The following NAALADL2 variants were observed in gnomAD, a reference collection of about 807,000 sequenced individuals.
The protein encoded by NAALADL2 is inactive N-acetylated-alpha-linked acidic dipeptidase-like protein 2.
In NAALADL2, 76 loss-of-function variants were observed where a neutral mutation model predicts 87.2. That is an observed-to-expected ratio of 0.87 (90% confidence interval 0.72 to 1.05). The LOEUF is 1.05. Ranked by LOEUF, NAALADL2 falls within the 50% of genes least tolerant of loss-of-function variation. The pLI is 0.00. For missense variants in NAALADL2, 1,089 were observed against 945.8 expected (o/e 1.15, Z -1.99); for synonymous variants, 354 against 331.0 (o/e 1.07, Z -0.75).
chr3:174,610,469 GA>G (rs1228124567), intron 2 of NAALADL2, among the ~76,000 whole-genome samples: 2 of 151,588 alleles, frequency 1.3e-5, no homozygotes, highest in East Asian at 1.9e-4. Context: ...AAATTTACAA[GA>G]AAAAAACAAA....
intron 13 of NAALADL2, among the ~76,000 whole-genome samples, chr3:175,762,200 T>TTTTTTTC (rs1341093100): frequency 6.7e-6 from 1 of 149,374 alleles, no homozygotes; most frequent in African/African-American, 2.5e-5. Context: ...CGATTTTTTT[T>TTTTTTTC]TTTTTTTGCA....
chr3:175,229,613 G>A (rs1744652926), intron 2 of NAALADL2, among the ~76,000 whole-genome samples: 2 of 151,934 alleles, frequency 1.3e-5, no homozygotes, highest in Admixed American at 6.6e-5. Flanking sequence ...CTTTTTAGCT[G>A]TGTCTTCACA....
intron 3 of NAALADL2, among the ~76,000 whole-genome samples, chr3:174,853,958 G>C (rs76797627): frequency 0.098 from 14,890 of 152,118 alleles, 812 homozygotes; most frequent in Middle Eastern, 0.13. Flanking sequence ...AGTCAGTATG[G>C]AAAACAGTAT....
intron 2 of NAALADL2, among the ~76,000 whole-genome samples, chr3:174,718,084 C>G (rs566582180): frequency 1.3e-5 from 2 of 152,028 alleles, no homozygotes; most frequent in South Asian, 4.2e-4. Flanking sequence ...AGCGCTCCAG[C>G]CTGGGTGATA....
intron 1 of NAALADL2, among the ~76,000 whole-genome samples, chr3:174,984,718 GA>G (rs1233114872): frequency 6.6e-6 from 1 of 152,084 alleles, no homozygotes; most frequent in Non-Finnish European, 1.5e-5. Flanking sequence ...AGGTATTTGA[GA>G]AATTTGAAGT....
intron 1 of NAALADL2, among the ~76,000 whole-genome samples, chr3:174,908,397 G>C (rs1220423905): frequency 6.6e-6 from 1 of 152,036 alleles, no homozygotes; most frequent in Non-Finnish European, 1.5e-5. Flanking sequence ...AGACTGGCCA[G>C]TATCTTTAAA....
At chr3:175,125,629 A>G (rs1000846824) in intron 2 of NAALADL2, among the ~76,000 whole-genome samples, 13 of 152,060 alleles carry the variant, frequency 8.5e-5, no homozygotes, top group Non-Finnish European at 1.5e-4. Context: ...GGCTAAAAGA[A>G]CATACAGTTT....
chr3:175,562,525 T>C (rs62288387), intron 9 of NAALADL2, among the ~76,000 whole-genome samples: 17,277 of 151,898 alleles, frequency 0.11, 1,168 homozygotes, highest in Middle Eastern at 0.17. Context: ...TGTTTTCCAA[T>C]CACAGATTTA....
rs901388913 is a variant in NAALADL2, at chr3:174,698,850, C to T, written c.-114-38791C>T. Among the ~76,000 whole-genome samples the T allele has an allele frequency of 3.2e-5, 3 of 92,976 alleles. 1 individual carries two copies. The highest frequency in any genetic ancestry group is 1.5e-3 in the East Asian group (2 of 1,378). The allele number at this position is 92,976 out of a possible 152,430, so 61.0% of individuals were successfully genotyped here. A position where few individuals can be genotyped will look rare whatever the true frequency, so the allele number is the denominator to read the frequency against. On this transcript the variant is annotated intron_variant, in intron 2 of 3. Coordinates refer to the NAALADL2 transcript ENST00000434257. The stretch of plus-strand genomic sequence containing the variant: ...CTGCACTCCAGCCTGGGTGACAGAG[C>T]GAGACTCCGTCTCAAAGAAGAAAAA...
At chr3:174,462,679 T>G (rs187695098) in intron 1 of NAALADL2, among the ~76,000 whole-genome samples, 1 of 152,192 alleles carries the variant, frequency 6.6e-6, no homozygotes, top group Admixed American at 6.5e-5. Flanking sequence ...AGATAATAGC[T>G]CTCATGGCAC....
rs148587574 is a variant in NAALADL2, at chr3:175,146,645, TAAG to T, written c.545+49360_545+49362del. On this transcript the variant is annotated intron_variant, in intron 2 of 13. Coordinates refer to ENST00000454872, the MANE Select transcript of NAALADL2 (RefSeq NM_207015.3). ...AATGAATGGCTTCAATCACATGAACTAAGAAGAAAAATAATGAAAGAGGCTGAA... is the reference window on the plus strand; with the variant it reads ...AATGAATGGCTTCAATCACATGAACTAAGAAAAATAATGAAAGAGGCTGAA... Among the ~76,000 whole-genome samples the T allele has an allele frequency of 7.0e-3, 1,065 of 152,242 alleles. 17 individuals carry two copies. The highest frequency in any genetic ancestry group is 0.024 in the African/African-American group (999 of 41,548).
intron 2 of NAALADL2, among the ~76,000 whole-genome samples, chr3:175,188,050 A>G (rs531932811): frequency 4.7e-4 from 71 of 152,286 alleles, no homozygotes; most frequent in African/African-American, 1.6e-3. Context: ...AACTGATTCT[A>G]GGTGAGAAAG....
rs1216639311 is a variant in NAALADL2, at chr3:174,690,835, G to T, written c.-114-46806G>T. Among the ~76,000 whole-genome samples, 8 of 152,070 alleles carry T rather than the reference G, an allele frequency of 5.3e-5. No individual in the cohort carries two copies. In the South Asian group the frequency reaches 1.2e-3, roughly 24 times the overall value. The stretch of plus-strand genomic sequence containing the variant: ...TAATTTTTTAAAAGTACAAACCTAT[G>T]CCATAATTGATGCTCTAAATGGGTA... On this transcript the variant is annotated intron_variant, in intron 2 of 3. Coordinates refer to the NAALADL2 transcript ENST00000434257.
At chr3:175,746,165 C>CT (rs150272211) in intron 12 of NAALADL2, among the ~76,000 whole-genome samples, 4,651 of 147,746 alleles carry the variant, frequency 0.031, 173 homozygotes, top group African/African-American at 0.096. Flanking sequence ...TGACTTTTTT[C>CT]TTTTTTTTTT....
At chr3:175,390,177 A>C (rs941858143) in intron 5 of NAALADL2, among the ~76,000 whole-genome samples, 11 of 152,162 alleles carry the variant, frequency 7.2e-5, no homozygotes, top group Non-Finnish European at 1.3e-4. Context: ...GTAATGCTGA[A>C]AAAAATTATA....
chr3:175,094,016 T>C (rs114072894), intron 1 of NAALADL2, among the ~76,000 whole-genome samples: 1,979 of 151,984 alleles, frequency 0.013, 36 homozygotes, highest in African/African-American at 0.043. Flanking sequence ...AGAGGTGACT[T>C]TGAATGTTTG....
chr3:174,833,625 G>A (rs117812920), intron 3 of NAALADL2, among the ~76,000 whole-genome samples: 1 of 152,030 alleles, frequency 6.6e-6, no homozygotes, highest in African/African-American at 2.4e-5. Context: ...ATACTTTTAT[G>A]TATATCATAA....
chr3:174,456,914 G>C (rs1715877012), intron 1 of NAALADL2, among the ~76,000 whole-genome samples: 1 of 152,116 alleles, frequency 6.6e-6, no homozygotes, highest in Non-Finnish European at 1.5e-5. Flanking sequence ...TATCAACAGA[G>C]TAAACAGAAA....
At chr3:174,545,200 G>A (rs1326161358) in intron 1 of NAALADL2, among the ~76,000 whole-genome samples, 4 of 152,060 alleles carry the variant, frequency 2.6e-5, no homozygotes, top group Admixed American at 6.6e-5. Context: ...TTAAATGGTC[G>A]AATTCATAAA....
Sources: allele counts gnomAD v4.1 joint callset (sites outside exome capture counted in the v4.1 genomes callset), GRCh38; gene constraint gnomAD v4.1.1; transcripts MANE v1.5; gene names NCBI Gene and HGNC (gene_info 2026-07-23, HGNC 2026-07-21).